Variants in VPS36 observed in about 807,000 individuals in gnomAD.
The protein encoded by VPS36 is vacuolar protein sorting 36 homolog.
Under a neutral mutation model 63.5 loss-of-function variants are expected in VPS36, and 31 were observed. The ratio of observed to expected loss-of-function variants is 0.49; its 90% CI spans 0.37 to 0.66. The LOEUF (loss-of-function observed/expected upper bound fraction) is 0.66. Among genes scored for constraint, VPS36 ranks in the 30% least tolerant of loss-of-function variants. The pLI is 0.00. For missense variants in VPS36, 338 were observed against 463.7 expected, an observed-to-expected ratio of 0.73 and a Z score of 2.49; for synonymous variants, 138 against 157.2, an observed-to-expected ratio of 0.88 and a Z score of 0.91.
chr13:52,436,968 A>C (rs141288542), intron 3 of VPS36, among the ~76,000 whole-genome samples: 159 of 152,270 alleles, frequency 1.0e-3, no homozygotes, highest in African/African-American at 3.7e-3. Flanking sequence ...AAGAACACAA[A>C]CTACCATTAT....
Position 52,415,918 on chromosome 13 carries a change from A to C in VPS36, c.1073T>G (p.Leu358Arg). ...AAGATGGCCCATCTTCTCTGCAAGC[A>C]GCAACCTAAAAAAAAACAACAAAAA... ...MSVLLAKERLLLAEKMGHLCR... is the reference protein window; with the variant it reads ...MSVLLAKERLRLAEKMGHLCR... Residue 358 changes from leucine to arginine, a missense_variant, in exon 14 of 14, where the codon CTG becomes CGG. Physicochemically the swap from Leu to Arg is moderately radical, Grantham distance 102 (BLOSUM62 -2). Transcript: ENST00000378060. 5 of 1,613,840 alleles carry C rather than the reference A, an allele frequency of 3.1e-6. No individual in the cohort carries two copies. Among genetic ancestry groups the C allele is most frequent in the South Asian group, 1.1e-5 (1 of 91,030 alleles).
At chr13:52,422,127 C>A (rs1282253889) in intron 10 of VPS36, among the ~76,000 whole-genome samples, 1 of 152,202 alleles carries the variant, frequency 6.6e-6, no homozygotes, top group African/African-American at 2.4e-5. Flanking sequence ...CACTTATACA[C>A]CTTTCCCAGT....
At chr13:52,422,741 T>C (rs1252382096) in intron 10 of VPS36, among the ~76,000 whole-genome samples, 1 of 152,256 alleles carries the variant, frequency 6.6e-6, no homozygotes, top group African/African-American at 2.4e-5. Flanking sequence ...TGCTCTTTTT[T>C]ATGGCTGCAT....
intron 10 of VPS36, 114 bp from the exon 11 acceptor site, chr13:52,418,170 A>C (rs1958010505): frequency 2.2e-6 from 2 of 909,770 alleles, no homozygotes; most frequent in Non-Finnish European, 3.2e-6. Context: ...AATCACTACA[A>C]AGCAAAAAAG....
chr13:52,418,573 CAAAAAAAAAAA>C (rs1201650906), intron 10 of VPS36, among the ~76,000 whole-genome samples: 3 of 31,158 alleles, frequency 9.6e-5, no homozygotes, highest in East Asian at 1.5e-3. Flanking sequence ...GACTCCATCT[CAAAAAAAAAAA>C]AAAAAAAAAA....
intron 3 of VPS36, among the ~76,000 whole-genome samples, chr13:52,437,148 T>C (rs1958227476): frequency 6.6e-6 from 1 of 152,170 alleles, no homozygotes; most frequent in Admixed American, 6.5e-5. Flanking sequence ...AGTTTAGTGC[T>C]TTTTCTTTAT....
chr13:52,413,744 T>G lies in VPS36; in HGVS notation c.*2086A>C, dbSNP rs189521129. On this transcript the variant is annotated 3_prime_UTR_variant, in exon 14 of 14. Coordinates refer to ENST00000378060, the MANE Select transcript of VPS36 (RefSeq NM_016075.4). ...CACCAAGACAGAACTTTTTTGCACT[T>G]AGGGCCTGATTGGTTGTATTTAAAC... 6.6e-6 allele frequency: 1 copy of G among 152,556 alleles called. No homozygotes were observed. The highest frequency in any genetic ancestry group is 2.4e-5 in the African/African-American group (1 of 41,478). 9.5% of individuals were successfully genotyped at this position (152,556 alleles called of 1,614,324 possible). A position where few individuals can be genotyped will look rare whatever the true frequency, so the allele number is the denominator to read the frequency against.
intron 9 of VPS36, among the ~76,000 whole-genome samples, chr13:52,425,587 A>G (rs1958094418): frequency 6.6e-6 from 1 of 152,176 alleles, no homozygotes; most frequent in Non-Finnish European, 1.5e-5. Context: ...TAGAAGATGA[A>G]TCTATATTAT....
chr13:52,426,787 G>A (rs1365629170), intron 8 of VPS36, among the ~76,000 whole-genome samples: 1 of 152,136 alleles, frequency 6.6e-6, no homozygotes, highest in Admixed American at 6.5e-5. Context: ...CCCGGGAGGC[G>A]GATGTTGCAG....
At chr13:52,449,395 G>A (rs1210453246) in intron 1 of VPS36, among the ~76,000 whole-genome samples, 1 of 152,116 alleles carries the variant, frequency 6.6e-6, no homozygotes, top group Non-Finnish European at 1.5e-5. Context: ...GTGAAGTTAG[G>A]TCCAAGCAAA....
intron 4 of VPS36, among the ~76,000 whole-genome samples, chr13:52,435,357 G>A (rs1398023652): frequency 2.0e-5 from 3 of 151,638 alleles, no homozygotes; most frequent in African/African-American, 7.3e-5. Flanking sequence ...ATCAAAGGAA[G>A]TTCTTTTCTT....
At chr13:52,434,914 TCAG>T in intron 4 of VPS36, 32 bp from the exon 5 acceptor site, 1 of 1,548,342 alleles carries the variant, frequency 6.5e-7, no homozygotes, top group South Asian at 1.1e-5. Flanking sequence ...TTTAAATGAC[TCAG>T]TCAGATTGTA....
chr13:52,431,483 G>A (rs540836694), intron 6 of VPS36, among the ~76,000 whole-genome samples: 7 of 152,228 alleles, frequency 4.6e-5, no homozygotes, highest in African/African-American at 1.7e-4. Flanking sequence ...AACCAGAGCG[G>A]TCTGGGCGCG....
chr13:52,434,637 C>T (rs1420301433), intron 5 of VPS36, among the ~76,000 whole-genome samples, 156 bp downstream of exon 5: 2 of 152,258 alleles, frequency 1.3e-5, no homozygotes, highest in Admixed American at 1.3e-4. Flanking sequence ...GGATTACAGG[C>T]GTGAGCCACC....
intron 2 of VPS36, among the ~76,000 whole-genome samples, chr13:52,440,114 G>A (rs1359407964): frequency 1.3e-5 from 2 of 151,936 alleles, no homozygotes; most frequent in African/African-American, 2.4e-5. Context: ...AAGTAGCTGG[G>A]ATTATAGATG....
chr13:52,420,838 CG>C (rs1200153884), intron 10 of VPS36, among the ~76,000 whole-genome samples: 1 of 151,932 alleles, frequency 6.6e-6, no homozygotes, highest in African/African-American at 2.4e-5. Context: ...ATTTGGGGGC[CG>C]GGCATGGCGG....
At chr13:52,450,006 C>T (rs1159897396) in intron 1 of VPS36, 2 of 986,074 alleles carry the variant, frequency 2.0e-6, no homozygotes, top group South Asian at 4.7e-5. Context: ...TGCATAAGGT[C>T]CAAGCTAAAG....
chr13:52,426,682 G>T (rs528889888), intron 8 of VPS36, among the ~76,000 whole-genome samples: 1 of 151,606 alleles, frequency 6.6e-6, no homozygotes, highest in Non-Finnish European at 1.5e-5. Context: ...GGTGAAACCC[G>T]GTCTCTACTA....
chr13:52,445,857 G>A (rs1166217413), intron 1 of VPS36, among the ~76,000 whole-genome samples: 36 of 131,740 alleles, frequency 2.7e-4, no homozygotes, highest in Admixed American at 4.8e-4. Context: ...GGAGAATGGC[G>A]TGAACCCGGG....
Sources: gnomAD v4.1 joint callset for allele counts (sites outside exome capture counted in the v4.1 genomes callset) on GRCh38, gnomAD v4.1.1 for gene constraint, MANE v1.5 for transcripts, NCBI Gene and HGNC (gene_info 2026-07-23, HGNC 2026-07-21) for gene names.